Variants in CSRNP3 observed in about 807,000 individuals in gnomAD.
The protein encoded by CSRNP3 is cysteine and serine rich nuclear protein 3.
In CSRNP3, 12 loss-of-function variants were observed where a neutral mutation model predicts 48.0. That is an observed-to-expected ratio of 0.25 (90% CI 0.16 to 0.41). The LOEUF is 0.41. Ranked by LOEUF, CSRNP3 falls within the 10% of genes least tolerant of loss-of-function variation. CSRNP3 has a pLI of 1.00. For synonymous variants in CSRNP3, 263 were observed against 269.7 expected, an observed-to-expected ratio of 0.98 and a Z score of 0.24; for missense variants, 580 against 724.4, an observed-to-expected ratio of 0.80 and a Z score of 2.29.
intron 4 of CSRNP3, among the ~76,000 whole-genome samples, chr2:165,629,485 A>C (rs1686496158): frequency 6.6e-6 from 1 of 152,160 alleles, no homozygotes; most frequent in Non-Finnish European, 1.5e-5. Context: ...TTTTTCTTCA[A>C]AACGCTATGA....
intron 3 of CSRNP3, among the ~76,000 whole-genome samples, chr2:165,562,494 T>C (rs746019236): frequency 3.9e-5 from 6 of 152,188 alleles, no homozygotes; most frequent in Non-Finnish European, 8.8e-5. Flanking sequence ...GTGTATGCAG[T>C]ATCTCCAGCT....
At chr2:165,497,351 G>A (rs2105462540) in intron 2 of CSRNP3, among the ~76,000 whole-genome samples, 1 of 152,138 alleles carries the variant, frequency 6.6e-6, no homozygotes, top group East Asian at 1.9e-4. Context: ...CTCTGGAAGG[G>A]AATGGTGATA....
chr2:165,572,718 T>C (rs1442847459), intron 3 of CSRNP3: 2 of 152,194 alleles, frequency 1.3e-5, no homozygotes, highest in African/African-American at 4.8e-5. Context: ...AAGGATGCAC[T>C]TGAATTGACC....
Position 165,476,216 on chromosome 2 carries a change from TTG to T in CSRNP3, c.-283+6479_-283+6480del, listed in dbSNP as rs1303988194. On this transcript the variant is annotated intron_variant, in intron 1 of 6. Transcript: ENST00000651982. The stretch of plus-strand genomic sequence containing the variant: ...CTGCTCTGGGCTCACTTTCTGCCAT[TTG>T]TGGTCTGTTCTGGTGAACAATTCTA... 3.3e-5 allele frequency among the ~76,000 whole-genome samples: 5 copies of T among 152,138 alleles called. No individual in the cohort carries two copies. The East Asian group carries it at 9.6e-4, about 29-fold the overall frequency.
chr2:165,571,891 T>C (rs1201881079), intron 3 of CSRNP3, among the ~76,000 whole-genome samples: 1 of 152,100 alleles, frequency 6.6e-6, no homozygotes, highest in Non-Finnish European at 1.5e-5. Flanking sequence ...ATTGAGGATA[T>C]TTTGAAGGAA....
chr2:165,559,407 T>C (rs1315530599), intron 3 of CSRNP3, among the ~76,000 whole-genome samples: 1 of 152,316 alleles, frequency 6.6e-6, no homozygotes, highest in Non-Finnish European at 1.5e-5. Context: ...GATATGGTCT[T>C]CAGTTGAACA....
intron 3 of CSRNP3, among the ~76,000 whole-genome samples, chr2:165,593,283 C>T (rs938267211): frequency 6.6e-6 from 1 of 152,050 alleles, no homozygotes; most frequent in Non-Finnish European, 1.5e-5. Flanking sequence ...TGACCACATC[C>T]AAGAAAGAGC....
In CSRNP3 at chr2:165,681,837, A is replaced by C. The variant is rs1463416785; in HGVS notation, c.*2084A>C. 6.8e-6 allele frequency: 1 copy of C among 148,052 alleles called. No homozygotes were observed. Among genetic ancestry groups the C allele is most frequent in the African/African-American group, 2.5e-5 (1 of 40,122 alleles). The allele number at this position is 148,052 out of a possible 1,614,324, so 9.2% of individuals were successfully genotyped here. A position where few individuals can be genotyped will look rare whatever the true frequency, so the allele number is the denominator to read the frequency against. ...TGTGTGTGTGTGTGTGTGTATATATATATATCCCATGTTGTCTGCAAAGTG... is the reference window on the plus strand; with the variant it reads ...TGTGTGTGTGTGTGTGTGTATATATCTATATCCCATGTTGTCTGCAAAGTG... On this transcript the variant is annotated 3_prime_UTR_variant, in exon 7 of 7. Transcript: ENST00000651982.
At chr2:165,470,213 C>T (rs1683874019) in intron 1 of CSRNP3, among the ~76,000 whole-genome samples, 1 of 151,994 alleles carries the variant, frequency 6.6e-6, no homozygotes, top group African/African-American at 2.4e-5. Context: ...CTTAGGAAAA[C>T]TATTTTTGCA....
intron 4 of CSRNP3, among the ~76,000 whole-genome samples, chr2:165,649,251 G>T (rs184584909): frequency 2.6e-5 from 4 of 152,000 alleles, no homozygotes; most frequent in Admixed American, 1.3e-4. Flanking sequence ...TTTTTTCTTT[G>T]TAAACTAGCA....
intron 4 of CSRNP3, among the ~76,000 whole-genome samples, chr2:165,647,905 A>C (rs1352383649): frequency 1.3e-5 from 2 of 152,122 alleles, no homozygotes; most frequent in Non-Finnish European, 2.9e-5. Flanking sequence ...TTGACTTAAC[A>C]ATATTTTCAA....
At chr2:165,599,167 G>A (rs953382046) in intron 4 of CSRNP3, among the ~76,000 whole-genome samples, 7 of 151,808 alleles carry the variant, frequency 4.6e-5, no homozygotes, top group African/African-American at 1.7e-4. Flanking sequence ...TGAGGCTGCA[G>A]TGAGCCATGA....
chr2:165,555,653 A>G (rs1409977619), intron 3 of CSRNP3, among the ~76,000 whole-genome samples: 1 of 152,242 alleles, frequency 6.6e-6, no homozygotes, highest in East Asian at 1.9e-4. Flanking sequence ...TACATAGGTG[A>G]GAAGGACCAC....
chr2:165,571,120 A>G (rs561368205), intron 3 of CSRNP3, among the ~76,000 whole-genome samples: 1 of 152,064 alleles, frequency 6.6e-6, no homozygotes, highest in South Asian at 2.1e-4. Flanking sequence ...ATATACATAT[A>G]TATGTATATT....
Position 165,532,161 on chromosome 2 carries a change from A to G in CSRNP3, c.-24+14200A>G, listed in dbSNP as rs550916214. 2.6e-3 allele frequency among the ~76,000 whole-genome samples: 393 copies of G among 152,340 alleles called. 2 individuals carry two copies. Among genetic ancestry groups the G allele is most frequent in the African/African-American group, 8.4e-3 (351 of 41,576 alleles). ...AGGAGCTGGTACCATTCCTTCTGAA[A>G]CTATTCCAATCAAGAGAAAAAGAGG... On this transcript the variant is annotated intron_variant, in intron 3 of 6. Coordinates refer to ENST00000651982, the MANE Select transcript of CSRNP3 (RefSeq NM_001172173.2).
At chr2:165,574,789 T>C (rs562157459) in intron 3 of CSRNP3, among the ~76,000 whole-genome samples, 1 of 152,264 alleles carries the variant, frequency 6.6e-6, no homozygotes, top group South Asian at 2.1e-4. Context: ...TAAAATAAGA[T>C]CCGAGTTCCT....
chr2:165,537,839 A>C (rs1389453443), intron 3 of CSRNP3, among the ~76,000 whole-genome samples: 2 of 151,640 alleles, frequency 1.3e-5, no homozygotes, highest in East Asian at 1.9e-4. Flanking sequence ...TATGACCTAG[A>C]TTTACCACTT....
chr2:165,668,456 C>T (rs564136942), intron 5 of CSRNP3, among the ~76,000 whole-genome samples: 2 of 135,982 alleles, frequency 1.5e-5, no homozygotes, highest in African/African-American at 5.6e-5. Flanking sequence ...GGCTGGAGTG[C>T]AGTGGTGTGA....
chr2:165,555,581 T>C (rs1309345599), intron 3 of CSRNP3, among the ~76,000 whole-genome samples: 1 of 152,166 alleles, frequency 6.6e-6, no homozygotes, highest in African/African-American at 2.4e-5. Context: ...GACTAGGAGC[T>C]GGGTAGTCAA....
Sources: gnomAD v4.1 joint callset for allele counts (sites outside exome capture counted in the v4.1 genomes callset) on GRCh38, gnomAD v4.1.1 for gene constraint, MANE v1.5 for transcripts, NCBI Gene and HGNC (gene_info 2026-07-23, HGNC 2026-07-21) for gene names.